The following CPE variants were observed in gnomAD, a reference collection of about 807,000 sequenced individuals.
CPE encodes the protein carbocypeptidase E.
In CPE, 17 loss-of-function variants were observed where a neutral mutation model predicts 53.5. That is an observed-to-expected ratio of 0.32 (90% CI 0.22 to 0.48). The LOEUF is 0.48. Among genes scored for constraint, CPE ranks in the 20% least tolerant of loss-of-function variants. The probability of loss-of-function intolerance (pLI) is 0.99; values close to 1 mark genes in which losing one functional copy is unlikely to be tolerated. For synonymous variants in CPE, 226 were observed against 228.8 expected (o/e 0.99, Z 0.11); for missense variants, 524 against 614.7 (o/e 0.85, Z 1.56).
At chr4:165,486,097 A>G (rs940011115) in intron 5 of CPE, among the ~76,000 whole-genome samples, 1 of 152,146 alleles carries the variant, frequency 6.6e-6, no homozygotes, top group Non-Finnish European at 1.5e-5. Flanking sequence ...CATATCTGTC[A>G]GCCATTGGTT....
chr4:165,487,313 C>A, intron 5 of CPE, 125 bp from the exon 6 acceptor site: 1 of 1,311,402 alleles, frequency 7.6e-7, no homozygotes, highest in Non-Finnish European at 1.1e-6. Context: ...CTTAAGTTTT[C>A]CCACAGGCTT....
chr4:165,405,697 G>T, intron 1 of CPE: 1 of 810,532 alleles, frequency 1.2e-6, no homozygotes, highest in Non-Finnish European at 2.2e-6. Flanking sequence ...TGGTCGCAGA[G>T]ATTCCACCAA....
intron 1 of CPE, among the ~76,000 whole-genome samples, chr4:165,409,525 A>T (rs1334889409): frequency 2.6e-5 from 4 of 152,174 alleles, no homozygotes; most frequent in Admixed American, 6.5e-5. Context: ...TATATCCCAC[A>T]GTCAGGTTCA....
intron 1 of CPE, among the ~76,000 whole-genome samples, chr4:165,398,449 T>G (rs1204340538): frequency 6.6e-6 from 1 of 152,194 alleles, no homozygotes; most frequent in African/African-American, 2.4e-5. Flanking sequence ...TGTGCATGTG[T>G]ATACATATGC....
chr4:165,381,225 T>G, intron 1 of CPE: 1 of 454,424 alleles, frequency 2.2e-6, no homozygotes, highest in Non-Finnish European at 4.4e-6. Context: ...CAATGATTTC[T>G]TTGCTTAAGT....
chr4:165,419,815 A>G (rs1321823280), intron 1 of CPE, among the ~76,000 whole-genome samples: 1 of 152,196 alleles, frequency 6.6e-6, no homozygotes, highest in Non-Finnish European at 1.5e-5. Context: ...TAATACATCA[A>G]ACATTTCAAA....
At chr4:165,423,091 GGTAA>G (rs1187289770) in intron 1 of CPE, among the ~76,000 whole-genome samples, 2 of 151,982 alleles carry the variant, frequency 1.3e-5, no homozygotes, top group African/African-American at 2.4e-5. Context: ...TTGAGTTTCT[GGTAA>G]GTCTTTCCAA....
In CPE at chr4:165,446,269, AAAGT is replaced by A. The variant is rs1017203594; in HGVS notation, c.308-18117_308-18114del. Among the ~76,000 whole-genome samples the A allele has an allele frequency of 5.5e-4, 83 of 152,232 alleles. 2 individuals are homozygous for A. The highest frequency in any genetic ancestry group is 5.0e-3 in the Admixed American group (76 of 15,284). On this transcript the variant is annotated intron_variant, in intron 1 of 8. Transcript: ENST00000402744. ...TTCTGTGTTGAAAAATGCACAACAT[AAAGT>A]AAGAAATACAAGTTTAGACTGAGAA...
intron 1 of CPE, among the ~76,000 whole-genome samples, chr4:165,410,314 AAG>A (rs1731021767): frequency 6.6e-6 from 1 of 152,092 alleles, no homozygotes; most frequent in South Asian, 2.1e-4. Context: ...CAATTTATAA[AAG>A]AGTAAAAAAA....
intron 1 of CPE, among the ~76,000 whole-genome samples, chr4:165,396,182 A>G (rs1730764047): frequency 6.6e-6 from 1 of 152,196 alleles, no homozygotes; most frequent in Non-Finnish European, 1.5e-5. Flanking sequence ...GAGATATTTT[A>G]TATCATATTC....
intron 1 of CPE, chr4:165,418,110 T>C (rs1370841341): frequency 2.0e-5 from 3 of 152,212 alleles, no homozygotes; most frequent in African/African-American, 7.2e-5. Flanking sequence ...GACTCAGGAA[T>C]TTAATAAGGG....
At chr4:165,465,267 A>G (rs1316441599) in intron 2 of CPE, among the ~76,000 whole-genome samples, 3 of 152,154 alleles carry the variant, frequency 2.0e-5, no homozygotes, top group African/African-American at 7.2e-5. Context: ...GAACATGGGA[A>G]CACATTCAAG....
intron 7 of CPE, 146 bp downstream of exon 7, chr4:165,493,416 C>G: frequency 1.7e-6 from 1 of 592,074 alleles, no homozygotes; most frequent in African/African-American, 1.9e-5. Flanking sequence ...GGTGAAGTTT[C>G]CTTTGTGGGC....
rs1732550818 is a variant in CPE, at chr4:165,488,744, A to T, written c.1113+1167A>T. On this transcript the variant is annotated intron_variant, in intron 6 of 8. Coordinates refer to ENST00000402744, the MANE Select transcript of CPE (RefSeq NM_001873.4). ...TACATATAAAATCAACACTTTTTTT[A>T]AAGTAAAACCAGGAGTTGAATCCAG... Among the ~76,000 whole-genome samples, 3 of 152,162 alleles carry T rather than the reference A, an allele frequency of 2.0e-5. No individual in the cohort carries two copies. The South Asian group carries it at 6.2e-4, about 31-fold the overall frequency.
At position 165,457,578 on chromosome 4, in the gene CPE, C is replaced by A. The variant is rs138431980; in HGVS notation, c.308-6812C>A. The stretch of plus-strand genomic sequence containing the variant: ...GACAACTTTGAAATTATATTAAAAG[C>A]AAATGCATAATTAAGATTACAAAAT... On this transcript the variant is annotated intron_variant, in intron 1 of 8. Coordinates refer to ENST00000402744, the MANE Select transcript of CPE (RefSeq NM_001873.4). Among the ~76,000 whole-genome samples, 555 of 152,236 alleles carry A rather than the reference C, an allele frequency of 3.6e-3. 6 individuals are homozygous for A. Among genetic ancestry groups the A allele is most frequent in the African/African-American group, 0.012 (517 of 41,548 alleles).
chr4:165,430,044 C>CA lies in CPE; in HGVS notation c.308-34340dup, dbSNP rs199563512. Among the ~76,000 whole-genome samples, 921 of 149,300 alleles carry CA rather than the reference C, an allele frequency of 6.2e-3. 4 individuals are homozygous for CA. Among genetic ancestry groups the CA allele is most frequent in the African/African-American group, 0.015 (623 of 41,268 alleles). ...TTATTTGAAAGCTGAATGGAAATAT[C>CA]AAAAAATAAAAATAAAAATAATGCC... On this transcript the variant is annotated intron_variant, in intron 1 of 8. Transcript: ENST00000402744.
At chr4:165,472,492 A>G (rs1732226124) in intron 3 of CPE, among the ~76,000 whole-genome samples, 1 of 152,250 alleles carries the variant, frequency 6.6e-6, no homozygotes, top group East Asian at 1.9e-4. Flanking sequence ...ATGTATACTA[A>G]GTTATATCAG....
chr4:165,404,305 C>T, intron 1 of CPE: 1 of 771,638 alleles, frequency 1.3e-6, no homozygotes. Flanking sequence ...ACGTGACTGC[C>T]TCATTCACAA....
In CPE at chr4:165,454,875, C is replaced by T. The variant is rs181092770; in HGVS notation, c.308-9515C>T. Among the ~76,000 whole-genome samples, 23 of 152,284 alleles carry T rather than the reference C, an allele frequency of 1.5e-4. No homozygotes were observed. In the East Asian group the frequency reaches 3.9e-3, roughly 26 times the overall value. On this transcript the variant is annotated intron_variant, in intron 1 of 8. Transcript: ENST00000402744. ...CAGTAGTTTGTCAAGCAAGATACAG[C>T]GCCTGCTTCTCTAGAATCAGGGGAT...
Sources: gnomAD v4.1 joint callset for allele counts (sites outside exome capture counted in the v4.1 genomes callset) on GRCh38, gnomAD v4.1.1 for gene constraint, MANE v1.5 for transcripts, NCBI Gene and HGNC (gene_info 2026-07-23, HGNC 2026-07-21) for gene names.